The following TRPV3 variants were observed in gnomAD, a reference collection of about 807,000 sequenced individuals.
TRPV3 encodes VRL-3.
TRPV3 carries 88 observed loss-of-function variants against 87.1 expected under a neutral mutation model. The ratio of observed to expected loss-of-function variants is 1.01; its 90% CI spans 0.85 to 1.21. TRPV3 has a LOEUF of 1.21. TRPV3 is among the 50% of genes most tolerant of loss of function. TRPV3 has a pLI of 0.00. For synonymous variants in TRPV3, 438 were observed against 423.3 expected, an observed-to-expected ratio of 1.03 and a Z score of -0.43; for missense variants, 1,054 against 1,030.1, an observed-to-expected ratio of 1.02 and a Z score of -0.32.
chr17:3,526,976 C>T (rs1315186065), intron 11 of TRPV3, 49 bp from the exon 12 acceptor site: 4 of 1,504,262 alleles, frequency 2.7e-6, no homozygotes, highest in Middle Eastern at 3.6e-4. Context: ...TGGCCCTCAG[C>T]AGGGGAGCTG....
At chr17:3,527,562 T>G (rs988473975) in intron 11 of TRPV3, 8 of 228,958 alleles carry the variant, frequency 3.5e-5, no homozygotes, top group African/African-American at 1.9e-4. Flanking sequence ...GGTGCTCAGA[T>G]TATATGTGTT....
rs578122503 is a variant in TRPV3, at chr17:3,544,442, A to G, written c.311+137T>C. On this transcript the variant is annotated intron_variant, in intron 4 of 17. Coordinates refer to ENST00000576742, the MANE Select transcript of TRPV3 (RefSeq NM_145068.4). ...CTTCCCCGTAAACGTCCTACATGCC[A>G]TGGACCCATGACTCCACTTGTCCCA... 48 of 589,142 alleles carry G rather than the reference A, an allele frequency of 8.1e-5. No individual in the cohort carries two copies. In the East Asian group the frequency reaches 1.2e-3, roughly 15 times the overall value. The allele number at this position is 589,142 out of a possible 1,614,324, so 36.5% of individuals were successfully genotyped here. A position where few individuals can be genotyped will look rare whatever the true frequency, so the allele number is the denominator to read the frequency against.
Position 3,542,642 on chromosome 17 carries a change from C to T in TRPV3, c.523G>A (p.Ala175Thr). The T allele has an allele frequency of 6.2e-7, 1 of 1,614,000 alleles. No homozygotes were observed. The highest frequency in any genetic ancestry group is 8.5e-7 in the Non-Finnish European group (1 of 1,179,924). The change falls in exon 6 of 18, where the codon GCC becomes ACC. Residue 175 changes from alanine to threonine, a missense_variant. Physicochemically the swap from Ala to Thr is moderately conservative, Grantham distance 58. Coordinates refer to ENST00000576742, the MANE Select transcript of TRPV3 (RefSeq NM_145068.4). ...GTGTTGGGGTTGATGTTTAACAAGG[C>T]CTTCATCAGGCAGGTCTTCCCCGTG... The part of the protein sequence containing the change: ...SDTGKTCLMK[A>T]LLNINPNTKE...
At chr17:3,541,141 G>A (rs139869824) in intron 6 of TRPV3, among the ~76,000 whole-genome samples, 34 of 152,306 alleles carry the variant, frequency 2.2e-4, no homozygotes, top group African/African-American at 7.0e-4. Context: ...GAAGGCAGGT[G>A]GATCACCTGA....
At chr17:3,519,764 A>AGATG (rs138638388) in intron 14 of TRPV3, among the ~76,000 whole-genome samples, 1,132 of 93,012 alleles carry the variant, frequency 0.012, 53 homozygotes, top group African/African-American at 0.044. Context: ...ATGAATGATT[A>AGATG]GATGGATGGA....
In TRPV3 at chr17:3,528,958, G is replaced by A. The variant is rs149803974; in HGVS notation, c.1280C>T (p.Thr427Met). Residue 427 changes from threonine (T) to methionine (M), a missense_variant, in exon 10 of 18, where the codon ACG becomes ATG. Transcript: ENST00000576742. This position sits in a 1 kb window ranked among gnomAD's most constrained non-coding sequence, Gnocchi z 4.2. The stretch of plus-strand genomic sequence containing the variant: ...CTTCTTCCACTTCATATGCAGCAGC[G>A]TGTGCAGCGGCTCCAGGGTCAGCAT... ...HEMLTLEPLHTLLHMKWKKFA... is the reference protein window; with the variant it reads ...HEMLTLEPLHMLLHMKWKKFA... 2.0e-5 allele frequency: 33 copies of A among 1,614,098 alleles called. No individual in the cohort carries two copies. The highest frequency in any genetic ancestry group is 2.0e-4 in the East Asian group (9 of 44,900).
intron 3 of TRPV3, among the ~76,000 whole-genome samples, chr17:3,544,938 T>G (rs2074509839): frequency 6.6e-6 from 1 of 152,086 alleles, no homozygotes; most frequent in Non-Finnish European, 1.5e-5. Flanking sequence ...CGCTTAAACC[T>G]GGGAGGTGGA....
At chr17:3,514,047 T>A (rs1481253631) in intron 17 of TRPV3, 36 bp from the exon 18 acceptor site, 1 of 1,496,614 alleles carries the variant, frequency 6.7e-7, no homozygotes, top group Admixed American at 1.8e-5. Flanking sequence ...TAGAAATATA[T>A]CACTCTGCAT....
chr17:3,519,804 C>T (rs1264133647), intron 14 of TRPV3, among the ~76,000 whole-genome samples: 10 of 92,262 alleles, frequency 1.1e-4, no homozygotes, highest in Admixed American at 4.9e-4. Flanking sequence ...ATGGATGGAC[C>T]GATTGATCGA....
chr17:3,554,168 T>C (rs2150809515), intron 2 of TRPV3: 1 of 152,808 alleles, frequency 6.5e-6, no homozygotes, highest in Admixed American at 6.5e-5. Flanking sequence ...ACACTCTCAA[T>C]GCCAACACAT....
chr17:3,552,304 C>T (rs1348743691), intron 2 of TRPV3: 1 of 152,206 alleles, frequency 6.6e-6, no homozygotes, highest in Non-Finnish European at 1.5e-5. Flanking sequence ...AGCAATTCTC[C>T]TGCCTCAGCC....
chr17:3,518,946 C>G lies in TRPV3; in HGVS notation c.1811-96G>C. 7.5e-7 allele frequency: 1 copy of G among 1,335,542 alleles called. No homozygotes were observed. Among genetic ancestry groups the G allele is most frequent in the Non-Finnish European group, 1.0e-6 (1 of 986,450 alleles). The allele number at this position is 1,335,542 out of a possible 1,614,324, so 82.7% of individuals were successfully genotyped here. A position where few individuals can be genotyped will look rare whatever the true frequency, so the allele number is the denominator to read the frequency against. ...TGCCTACATGACAAGCCTGCTGCCT[C>G]CTTCTCTCTGGCCATTAAATCCCAT... is the stretch of plus-strand genomic sequence containing the variant. On this transcript the variant is annotated intron_variant, in intron 14 of 17. Transcript: ENST00000576742. This position sits in a 1 kb window ranked among gnomAD's most constrained non-coding sequence, Gnocchi z 4.3.
rs2074201295 is a variant in TRPV3 at position 3,518,138 on chromosome 17, G to A, written c.2085+438C>T. ...CCGGCCGCCAACCACCATTTCTTAA[G>A]AGGCAGTCTCCAGTCCTCTCCCAAA... On this transcript the variant is annotated intron_variant, in intron 15 of 17. Coordinates refer to ENST00000576742, the MANE Select transcript of TRPV3 (RefSeq NM_145068.4). This position sits in a 1 kb window ranked among gnomAD's most constrained non-coding sequence, Gnocchi z 4.3. Among the ~76,000 whole-genome samples, 2 of 152,056 alleles carry A rather than the reference G, an allele frequency of 1.3e-5. No homozygotes were observed. The highest frequency in any genetic ancestry group is 4.8e-5 in the African/African-American group (2 of 41,406).
chr17:3,517,669 A>G (rs1350688583), intron 15 of TRPV3, among the ~76,000 whole-genome samples: 2 of 149,748 alleles, frequency 1.3e-5, no homozygotes, highest in Non-Finnish European at 3.0e-5. Flanking sequence ...AGAAACTTCC[A>G]TGTGTGACAT....
chr17:3,542,717 GT>G lies in TRPV3; in HGVS notation c.467-20del. ...AGGAAGTCTGCAGGCAGGGCCATGG[GT>G]GGAGTTACAGGAGGGCCCCGGCTGC... On this transcript the variant is annotated intron_variant, in intron 5 of 17. Coordinates refer to ENST00000576742, the MANE Select transcript of TRPV3 (RefSeq NM_145068.4). The G allele has an allele frequency of 6.2e-7, 1 of 1,610,890 alleles. No homozygotes were observed. The highest frequency in any genetic ancestry group is 8.5e-7 in the Non-Finnish European group (1 of 1,178,358).
rs2074497086 is a variant in TRPV3 at position 3,544,147 on chromosome 17, T to C, written c.311+432A>G. 1.3e-5 allele frequency among the ~76,000 whole-genome samples: 2 copies of C among 152,242 alleles called. 1 individual carries two copies. The highest frequency in any genetic ancestry group is 4.8e-5 in the African/African-American group (2 of 41,444). On this transcript the variant is annotated intron_variant, in intron 4 of 17. Coordinates refer to ENST00000576742, the MANE Select transcript of TRPV3 (RefSeq NM_145068.4). ...CCTCAGCCTCCTCAGTAGCTGGGAT[T>C]ACAGGCATGCGCCACCACGCCCGGC...
At chr17:3,521,495 A>G (rs959729084) in intron 13 of TRPV3, among the ~76,000 whole-genome samples, 2 of 152,252 alleles carry the variant, frequency 1.3e-5, no homozygotes, top group Non-Finnish European at 2.9e-5. Flanking sequence ...ACTATAGTGA[A>G]CAATACCGTG....
chr17:3,516,612 C>A, intron 15 of TRPV3, 43 bp from the exon 16 acceptor site: 2 of 1,381,340 alleles, frequency 1.4e-6, no homozygotes, highest in Non-Finnish European at 2.1e-6. Context: ...TCCACACTCA[C>A]AAGCACACAC....
intron 7 of TRPV3, among the ~76,000 whole-genome samples, chr17:3,535,234 C>CCCTCCCTCCCCCTCCTT (rs1180726644): frequency 2.2e-5 from 1 of 46,108 alleles, no homozygotes; most frequent in Non-Finnish European, 5.0e-5. Context: ...CCTCCCTCCT[C>CCCTCCCTCCCCCTCCTT]CCTCCCTCCC....
Sources: allele counts gnomAD v4.1 joint callset (sites outside exome capture counted in the v4.1 genomes callset), GRCh38; gene constraint gnomAD v4.1.1; non-coding constraint Gnocchi (gnomAD v3.1); transcripts MANE v1.5; gene names NCBI Gene and HGNC (gene_info 2026-07-23, HGNC 2026-07-21).